The following NAV3 variants were observed in gnomAD, a reference collection of about 807,000 sequenced individuals.
The protein encoded by NAV3 is pore membrane and/or filament interacting like protein 1.
A neutral mutation model predicts 244.7 loss-of-function variants in NAV3; 87 were observed. That is an observed-to-expected ratio of 0.36 (90% CI 0.30 to 0.42). The LOEUF (loss-of-function observed/expected upper bound fraction) is 0.42. Among genes scored for constraint, NAV3 ranks in the 20% least tolerant of loss-of-function variants. NAV3 has a pLI of 1.00. For synonymous variants in NAV3, 1,126 were observed against 1,042.2 expected, an observed-to-expected ratio of 1.08 and a Z score of -1.55; for missense variants, 2,663 against 2,893.3, an observed-to-expected ratio of 0.92 and a Z score of 1.83.
At chr12:77,720,244 A>G (rs1306154935) in intron 2 of NAV3, among the ~76,000 whole-genome samples, 4 of 115,688 alleles carry the variant, frequency 3.5e-5, no homozygotes, top group Non-Finnish European at 7.8e-5. Flanking sequence ...CTGTTTCTTT[A>G]TGTGCCTTGT....
chr12:77,976,971 G>A (rs572127790), intron 5 of NAV3, among the ~76,000 whole-genome samples: 156 of 151,972 alleles, frequency 1.0e-3, no homozygotes, highest in African/African-American at 3.4e-3. Context: ...CACCACACCC[G>A]GCCTGTACTG....
At chr12:77,789,008 T>C (rs565774822) in intron 2 of NAV3, among the ~76,000 whole-genome samples, 10 of 152,302 alleles carry the variant, frequency 6.6e-5, no homozygotes, top group African/African-American at 2.4e-4. Flanking sequence ...AGTAATTCAT[T>C]AACAAAGTCA....
At chr12:77,643,241 A>G (rs1872493900) in intron 2 of NAV3, among the ~76,000 whole-genome samples, 1 of 151,988 alleles carries the variant, frequency 6.6e-6, no homozygotes, top group South Asian at 2.1e-4. Context: ...GTAACTTTTA[A>G]TAACCTAAAT....
intron 1 of NAV3, among the ~76,000 whole-genome samples, chr12:77,842,678 C>T (rs1274776236): frequency 4.0e-5 from 6 of 151,602 alleles, no homozygotes; most frequent in Admixed American, 1.3e-4. Context: ...CAAGGGTCAC[C>T]GAGTGGGAAT....
intron 12 of NAV3, 49 bp downstream of exon 12, chr12:78,059,164 A>G: frequency 1.3e-6 from 2 of 1,566,852 alleles, no homozygotes; most frequent in Non-Finnish European, 8.6e-7. Context: ...AAGTAATTTT[A>G]TAAATAAGAA....
intron 2 of NAV3, among the ~76,000 whole-genome samples, chr12:77,790,512 T>G (rs1417722426): frequency 1.3e-5 from 2 of 152,190 alleles, no homozygotes; most frequent in Non-Finnish European, 2.9e-5. Flanking sequence ...ATCTCCAGGA[T>G]GATGATCCTT....
At chr12:78,065,902 T>C (rs1884961075) in intron 12 of NAV3, among the ~76,000 whole-genome samples, 1 of 152,088 alleles carries the variant, frequency 6.6e-6, no homozygotes, top group Admixed American at 6.6e-5. Flanking sequence ...AGGTGATAAG[T>C]CTTAAGGAAG....
In NAV3 at chr12:78,006,851, G is replaced by C. The variant is rs1464388890; in HGVS notation, c.1313G>C (p.Ser438Thr). Residue 438 changes from serine to threonine, a missense_variant, in exon 8 of 40, where the codon AGC (serine) becomes ACC (threonine). This residue lies in a region of NAV3 where 1,521 missense variants were observed against 1,497.0 expected (regional missense o/e 1.02). Coordinates refer to ENST00000397909, the MANE Select transcript of NAV3 (RefSeq NM_001024383.2). ...SGLNSGGSTN[S>T]SPKVSPKLAP... ...CTGAATAGTGGTGGCTCAACAAATAGCAGTCCCAAAGTGTCACCTAAGTTG... is the reference window on the plus strand; with the variant it reads ...CTGAATAGTGGTGGCTCAACAAATACCAGTCCCAAAGTGTCACCTAAGTTG... 7 of 1,613,958 alleles carry C rather than the reference G, an allele frequency of 4.3e-6. No individual in the cohort carries two copies. The highest frequency in any genetic ancestry group is 1.7e-5 in the Admixed American group (1 of 59,978).
intron 7 of NAV3, among the ~76,000 whole-genome samples, chr12:78,000,621 A>G (rs1873100236): frequency 2.2e-5 from 3 of 137,850 alleles, no homozygotes; most frequent in African/African-American, 8.2e-5. Context: ...CACCTGCCTC[A>G]GCCTCCCGAG....
chr12:78,064,788 A>G (rs1012757611), intron 12 of NAV3, among the ~76,000 whole-genome samples: 1 of 152,074 alleles, frequency 6.6e-6, no homozygotes, highest in Admixed American at 6.6e-5. Context: ...ACGAGTGTAT[A>G]CAAAATTAGC....
chr12:78,001,930 C>T (rs2136487263), intron 7 of NAV3, among the ~76,000 whole-genome samples: 1 of 152,286 alleles, frequency 6.6e-6, no homozygotes. Context: ...ATGAATAATA[C>T]ACTCTGACAC....
chr12:78,160,479 C>T (rs903045341), intron 23 of NAV3, among the ~76,000 whole-genome samples: 6 of 151,530 alleles, frequency 4.0e-5, no homozygotes, highest in African/African-American at 1.5e-4. Flanking sequence ...TCATCTAATT[C>T]TCAAAGAGAC....
At chr12:78,111,524 G>A (rs191822215) in intron 12 of NAV3, among the ~76,000 whole-genome samples, 9 of 152,078 alleles carry the variant, frequency 5.9e-5, no homozygotes, top group Admixed American at 2.0e-4. Flanking sequence ...GTTCGACATC[G>A]TTAGTCATCA....
chr12:77,633,515 G>C (rs867136131), intron 2 of NAV3, among the ~76,000 whole-genome samples: 1 of 152,086 alleles, frequency 6.6e-6, no homozygotes, highest in Non-Finnish European at 1.5e-5. Flanking sequence ...TTAAAGAACT[G>C]TATATTGTAT....
At chr12:77,711,472 T>C (rs1345551016) in intron 2 of NAV3, among the ~76,000 whole-genome samples, 1 of 152,234 alleles carries the variant, frequency 6.6e-6, no homozygotes, top group African/African-American at 2.4e-5. Flanking sequence ...ATCTCTTTAT[T>C]GCTGAAAATG....
intron 2 of NAV3, among the ~76,000 whole-genome samples, chr12:77,732,635 G>A (rs1285071743): frequency 2.0e-5 from 3 of 152,024 alleles, no homozygotes; most frequent in Non-Finnish European, 4.4e-5. Context: ...ACAACCCTGC[G>A]TGGCACAAAT....
chr12:77,678,029 T>G lies in NAV3; in HGVS notation c.72+105763T>G, dbSNP rs182617067. On this transcript the variant is annotated intron_variant, in intron 2 of 8. Coordinates refer to the NAV3 transcript ENST00000550042. ...ATTTTCTAAAGGACAGATAGCAGGCTCTGATGTTACGCCTTGTTAGCACTG... is the reference window on the plus strand; with the variant it reads ...ATTTTCTAAAGGACAGATAGCAGGCGCTGATGTTACGCCTTGTTAGCACTG... Among the ~76,000 whole-genome samples, 145 of 152,296 alleles carry G rather than the reference T, an allele frequency of 9.5e-4. 2 individuals are homozygous for G. The highest frequency in any genetic ancestry group is 3.3e-3 in the African/African-American group (137 of 41,572).
At chr12:78,174,659 T>G (rs192584426) in intron 24 of NAV3, among the ~76,000 whole-genome samples, 170 of 152,012 alleles carry the variant, frequency 1.1e-3, no homozygotes, top group African/African-American at 3.7e-3. Flanking sequence ...ATTGGAAGAA[T>G]TGCACTGTCT....
At chr12:78,198,924 A>C (rs78545114) in intron 36 of NAV3, among the ~76,000 whole-genome samples, 53 of 38,810 alleles carry the variant, frequency 1.4e-3, no homozygotes, top group African/African-American at 8.6e-3. Flanking sequence ...AAAACAAAAA[A>C]AAAAAAAAAG....
Sources: gnomAD v4.1 joint callset for allele counts (sites outside exome capture counted in the v4.1 genomes callset) on GRCh38, gnomAD v4.1.1 for gene constraint, gnomAD v4.1.1 regional missense constraint, MANE v1.5 for transcripts, NCBI Gene and HGNC (gene_info 2026-07-23, HGNC 2026-07-21) for gene names.